RGS18: variants seen among roughly 807,000 people sequenced by gnomAD.
RGS18 encodes regulator of G-protein signaling 18.
A neutral mutation model predicts 27.6 loss-of-function variants in RGS18; 22 were observed. The ratio of observed to expected loss-of-function variants is 0.80; its 90% CI spans 0.57 to 1.14. The LOEUF (loss-of-function observed/expected upper bound fraction) is 1.14, where lower values mean the gene tolerates loss of function less well. RGS18 is among the 50% of genes most tolerant of loss of function. RGS18 has a pLI of 0.00. For missense variants in RGS18, 299 were observed against 269.6 expected, an observed-to-expected ratio of 1.11 and a Z score of -0.76; for synonymous variants, 89 against 84.6, an observed-to-expected ratio of 1.05 and a Z score of -0.29.
At chr1:192,162,919 CAT>C (rs1284780104) in intron 3 of RGS18, among the ~76,000 whole-genome samples, 4 of 152,158 alleles carry the variant, frequency 2.6e-5, no homozygotes, top group African/African-American at 9.6e-5. Flanking sequence ...TAGAAGGAAA[CAT>C]ACATCTTTTC....
intron 4 of RGS18, among the ~76,000 whole-genome samples, chr1:192,184,028 T>G (rs1656499774): frequency 6.6e-6 from 1 of 151,458 alleles, no homozygotes; most frequent in South Asian, 2.1e-4. Flanking sequence ...CAGAAGCCAC[T>G]CACTATCGCA....
At position 192,158,749 on chromosome 1, in the gene RGS18, A is replaced by C. The variant is rs1297751128; in HGVS notation, c.112A>C (p.Lys38Gln). ...SGKEETSKEA[K>Q]IRAKEKRNRL... is the part of the protein sequence containing the mutation. ...AAAAGAAGAAACAAGCAAAGAAGCCAAAATCAGGTAAAATTGTACAATTTT... is the reference window on the plus strand; with the variant it reads ...AAAAGAAGAAACAAGCAAAGAAGCCCAAATCAGGTAAAATTGTACAATTTT... The change falls in exon 1 of 5, where the codon AAA becomes CAA. Residue 38 changes from lysine (K) to glutamine (Q), a missense_variant. Coordinates refer to ENST00000367460, the MANE Select transcript of RGS18 (RefSeq NM_130782.3). 6.5e-7 allele frequency: 1 copy of C among 1,548,340 alleles called. No individual in the cohort carries two copies. The highest frequency in any genetic ancestry group is 8.7e-7 in the Non-Finnish European group (1 of 1,145,540).
chr1:192,179,384 A>G (rs1656410153), intron 3 of RGS18, among the ~76,000 whole-genome samples: 1 of 151,592 alleles, frequency 6.6e-6, no homozygotes, highest in Non-Finnish European at 1.5e-5. Flanking sequence ...CATTAGGAAC[A>G]TATTTCCCTT....
intron 3 of RGS18, among the ~76,000 whole-genome samples, chr1:192,161,075 C>T (rs556562634): frequency 6.0e-4 from 91 of 152,318 alleles, no homozygotes; most frequent in Non-Finnish European, 1.1e-3. Flanking sequence ...TGGTCTCAAT[C>T]TGCTGACCTG....
At position 192,184,636 on chromosome 1, in the gene RGS18, C is replaced by A; in HGVS notation, c.*82C>A. 7.4e-7 allele frequency: 1 copy of A among 1,358,522 alleles called. No individual in the cohort carries two copies. Among genetic ancestry groups the A allele is most frequent in the Non-Finnish European group, 1.0e-6 (1 of 986,844 alleles). The allele number at this position is 1,358,522 out of a possible 1,614,324, so 84.2% of individuals were successfully genotyped here. ...CGCATGTTTATGTTAAGATTTGGTCCCATCCTTTAAACTGAAATATGTCAT... is the reference window on the plus strand; with the variant it reads ...CGCATGTTTATGTTAAGATTTGGTCACATCCTTTAAACTGAAATATGTCAT... On this transcript the variant is annotated 3_prime_UTR_variant, in exon 5 of 5. Transcript: ENST00000367460.
At chr1:192,158,870 C>A in intron 1 of RGS18, 114 bp downstream of exon 1, 3 of 752,912 alleles carry the variant, frequency 4.0e-6, no homozygotes, top group Non-Finnish European at 6.5e-6. Context: ...GTTTGTATTG[C>A]TATAATTTGG....
rs149342594 is a variant in RGS18 at position 192,158,718 on chromosome 1, T to C, written c.81T>C (p.Gly27=). The C allele has an allele frequency of 1.3e-5, 20 of 1,577,236 alleles. No individual in the cohort carries two copies. The highest frequency in any genetic ancestry group is 3.3e-4 in the Middle Eastern group (2 of 6,012). Residue 27 remains glycine, a synonymous_variant, in exon 1 of 5, where the codon GGT becomes GGC. Transcript: ENST00000367460. Reference sequence around the variant, plus strand: ...AAACTTTTTTCAAGTTAATACATGGTTCAGGAAAAGAAGAAACAAGCAAAG... The same window carrying C: ...AAACTTTTTTCAAGTTAATACATGGCTCAGGAAAAGAAGAAACAAGCAAAG... The part of the protein sequence containing the change: ...KEKTFFKLIH[G]SGKEETSKEA...
At position 192,185,681 on chromosome 1, in the gene RGS18, G is replaced by T. The variant is rs1290823569; in HGVS notation, c.*1127G>T. The T allele has an allele frequency of 6.6e-6, 1 of 151,504 alleles. No homozygotes were observed. 9.4% of individuals were successfully genotyped at this position (151,504 alleles called of 1,614,324 possible). A position where few individuals can be genotyped will look rare whatever the true frequency, so the allele number is the denominator to read the frequency against. On this transcript the variant is annotated 3_prime_UTR_variant, in exon 5 of 5. Coordinates refer to ENST00000367460, the MANE Select transcript of RGS18 (RefSeq NM_130782.3). Reference sequence around the variant, plus strand: ...TCTGTAAATATTTGTATTTAAAAATGCCATGCATTAGGCTTTGGAAATTTA... The same window carrying T: ...TCTGTAAATATTTGTATTTAAAAATTCCATGCATTAGGCTTTGGAAATTTA...
intron 3 of RGS18, among the ~76,000 whole-genome samples, chr1:192,172,044 T>G (rs752313626): frequency 7.9e-5 from 12 of 152,072 alleles, no homozygotes; most frequent in Non-Finnish European, 1.5e-4. Context: ...GCTGGCAGAA[T>G]TAAGCTGTTT....
intron 3 of RGS18, among the ~76,000 whole-genome samples, chr1:192,177,842 G>A (rs1656383230): frequency 6.6e-6 from 1 of 151,772 alleles, no homozygotes; most frequent in South Asian, 2.1e-4. Flanking sequence ...TTAAATCAGT[G>A]TAAAAACATA....
chr1:192,175,296 TAA>T (rs1369610668), intron 3 of RGS18, among the ~76,000 whole-genome samples: 2 of 140,484 alleles, frequency 1.4e-5, no homozygotes, highest in African/African-American at 5.3e-5. Context: ...ATATTGATAA[TAA>T]GTCATGAAAA....
chr1:192,160,651 G>T, intron 3 of RGS18: 3 of 471,802 alleles, frequency 6.4e-6, no homozygotes, highest in Non-Finnish European at 1.1e-5. Flanking sequence ...TACCTACTGT[G>T]GATGAAATAT....
chr1:192,172,864 C>CATATATATATATATATATATAT (rs549568195), intron 3 of RGS18, among the ~76,000 whole-genome samples: 31 of 135,526 alleles, frequency 2.3e-4, no homozygotes, highest in African/African-American at 6.9e-4. Flanking sequence ...GAAAAATATG[C>CATATATATATATATATATATAT]ATATATATAT....
intron 3 of RGS18, chr1:192,169,198 A>G (rs1178072167): frequency 6.6e-6 from 1 of 152,174 alleles, no homozygotes; most frequent in Non-Finnish European, 1.5e-5. Flanking sequence ...TGGTTATAGA[A>G]GTAATGGTCA....
intron 3 of RGS18, among the ~76,000 whole-genome samples, chr1:192,164,047 A>T (rs568866746): frequency 2.6e-5 from 4 of 152,224 alleles, no homozygotes; most frequent in African/African-American, 9.6e-5. Context: ...CAGTTTATTC[A>T]AATGAGAAAT....
intron 3 of RGS18, among the ~76,000 whole-genome samples, chr1:192,171,513 G>A (rs968433263): frequency 2.0e-5 from 3 of 151,876 alleles, no homozygotes; most frequent in Admixed American, 2.0e-4. Context: ...GCTAACATCC[G>A]TTGCTCATGG....
At chr1:192,161,614 G>C (rs1481348154) in intron 3 of RGS18, 1 of 151,620 alleles carries the variant, frequency 6.6e-6, no homozygotes, top group Non-Finnish European at 1.5e-5. Flanking sequence ...AACTTGTCCA[G>C]TTTCTCACCT....
rs1412776470 is a variant in RGS18 at position 192,185,164 on chromosome 1, G to C, written c.*610G>C. 1 of 151,824 alleles carries C rather than the reference G, an allele frequency of 6.6e-6. No individual in the cohort carries two copies. Among genetic ancestry groups the C allele is most frequent in the Non-Finnish European group, 1.5e-5 (1 of 67,908 alleles). The allele number at this position is 151,824 out of a possible 1,614,324, so 9.4% of individuals were successfully genotyped here. On this transcript the variant is annotated 3_prime_UTR_variant, in exon 5 of 5. Transcript: ENST00000367460. ...ACACATTCATCTCTACAGAACTTCA[G>C]ATTAAATATAATCTAGATTAATGAC...
At chr1:192,160,938 C>G (rs182468485) in intron 3 of RGS18, among the ~76,000 whole-genome samples, 2 of 152,264 alleles carry the variant, frequency 1.3e-5, no homozygotes, top group African/African-American at 4.8e-5. Flanking sequence ...CTGCAAGCTC[C>G]GCCTCCGTTC....
Sources: gnomAD v4.1 joint callset for allele counts (sites outside exome capture counted in the v4.1 genomes callset) on GRCh38, gnomAD v4.1.1 for gene constraint, MANE v1.5 for transcripts, NCBI Gene and HGNC (gene_info 2026-07-23, HGNC 2026-07-21) for gene names.